The following KDM5B variants were observed in gnomAD, a reference collection of about 807,000 sequenced individuals.
KDM5B encodes lysine-specific demethylase 5B.
Under a neutral mutation model 193.4 loss-of-function variants are expected in KDM5B, and 144 were observed. The ratio of observed to expected loss-of-function variants is 0.74; its 90% CI spans 0.65 to 0.86. The LOEUF is 0.86. Among genes scored for constraint, KDM5B ranks in the 40% least tolerant of loss-of-function variants. The pLI, the probability that KDM5B is intolerant of heterozygous loss-of-function variation, is 0.00. For missense variants in KDM5B, 1,833 were observed against 1,886.9 expected, an observed-to-expected ratio of 0.97 and a Z score of 0.53; for synonymous variants, 668 against 682.6, an observed-to-expected ratio of 0.98 and a Z score of 0.33.
At chr1:202,800,398 T>C in intron 1 of KDM5B, among the ~76,000 whole-genome samples, 1 of 152,078 alleles carries the variant, frequency 6.6e-6, no homozygotes, top group East Asian at 1.9e-4. Context: ...TGGAGTGCAG[T>C]GGCGTGATCA....
At chr1:202,802,363 T>C (rs1293982135) in intron 1 of KDM5B, among the ~76,000 whole-genome samples, 1 of 152,088 alleles carries the variant, frequency 6.6e-6, no homozygotes, top group Non-Finnish European at 1.5e-5. Flanking sequence ...TCAAATAGTT[T>C]ACACTGTTTT....
At chr1:202,798,428 C>T (rs1202305493) in intron 1 of KDM5B, among the ~76,000 whole-genome samples, 1 of 151,706 alleles carries the variant, frequency 6.6e-6, no homozygotes, top group African/African-American at 2.4e-5. Flanking sequence ...AGCCACTATG[C>T]TGGCTATACT....
intron 16 of KDM5B, among the ~76,000 whole-genome samples, chr1:202,745,290 A>C (rs1293113935): frequency 6.6e-6 from 1 of 152,244 alleles, no homozygotes; most frequent in Non-Finnish European, 1.5e-5. Flanking sequence ...AAGTTTATCT[A>C]TGTAACAAGC....
intron 1 of KDM5B, chr1:202,796,234 C>A: frequency 2.8e-6 from 1 of 356,508 alleles, no homozygotes; most frequent in East Asian, 9.0e-5. Context: ...CCTCCTCTCT[C>A]CAATCCTGTA....
chr1:202,802,170 T>C (rs866071526), intron 1 of KDM5B, among the ~76,000 whole-genome samples: 3 of 152,192 alleles, frequency 2.0e-5, no homozygotes, highest in South Asian at 2.1e-4. Context: ...AGTACACGCA[T>C]AGGCTTCAAA....
chr1:202,750,925 T>C (rs955935076), intron 12 of KDM5B, 147 bp from the exon 13 acceptor site: 7 of 703,096 alleles, frequency 1.0e-5, no homozygotes, highest in Non-Finnish European at 1.6e-5. Flanking sequence ...TATAGTAGAA[T>C]ATCACCTAGA....
Position 202,733,584 on chromosome 1 carries a change from G to C in KDM5B, c.3726C>G (p.Ile1242Met). The change falls in exon 23 of 27, where the codon ATC (isoleucine) becomes ATG (methionine). Residue 1242 changes from isoleucine (I) to methionine (M), a missense_variant. This residue lies in a region of KDM5B where 1,379 missense variants were observed against 1,349.6 expected (regional missense o/e 1.02). Transcript: ENST00000367265. ...ILPLLASLQRIRVRLPEGDAL... is the reference protein window; with the variant it reads ...ILPLLASLQRMRVRLPEGDAL... ...CATCTCCCTCAGGAAGGCGAACTCG[G>C]ATACGCTGAAGGGAGGCGAGCAGGG... 6.2e-7 allele frequency: 1 copy of C among 1,614,140 alleles called. No individual in the cohort carries two copies.
intron 12 of KDM5B, among the ~76,000 whole-genome samples, 182 bp from the exon 13 acceptor site, chr1:202,750,960 G>C (rs1160239500): frequency 6.6e-6 from 1 of 152,158 alleles, no homozygotes; most frequent in African/African-American, 2.4e-5. Context: ...TCACAAGATG[G>C]AGCAGTATCC....
chr1:202,792,201 T>C (rs1363159689), intron 1 of KDM5B, among the ~76,000 whole-genome samples: 1 of 152,100 alleles, frequency 6.6e-6, no homozygotes, highest in Non-Finnish European at 1.5e-5. Flanking sequence ...TTCTTTCTTA[T>C]TTTTATTTTG....
rs773610808 is a variant in KDM5B at position 202,774,581 on chromosome 1, T to C, written c.405+32A>G. ...CAAATTCATTCTGTCAGTAAGATTA[T>C]AAAATAAGTAAGATGGTCATTAGCT... On this transcript the variant is annotated intron_variant, in intron 3 of 26. Transcript: ENST00000367265. 11 of 1,580,982 alleles carry C rather than the reference T, an allele frequency of 7.0e-6. No individual in the cohort carries two copies. In the South Asian group the frequency reaches 1.1e-4, roughly 16 times the overall value.
intron 14 of KDM5B, among the ~76,000 whole-genome samples, chr1:202,747,780 T>C (rs1655619413): frequency 1.3e-5 from 2 of 152,084 alleles, no homozygotes; most frequent in South Asian, 4.2e-4. Flanking sequence ...AAACATGCAA[T>C]ATAAAATTAT....
chr1:202,740,676 G>A lies in KDM5B; in HGVS notation c.3082C>T (p.Gln1028Ter). The change falls in exon 20 of 27, where the codon CAG (glutamine) becomes TAG (stop). Residue 1028 changes from glutamine to a stop codon, truncating the protein, a stop_gained and splice_region_variant. Transcript: ENST00000367265. LOFTEE classifies it high-confidence loss of function. ...RDWLQDVEGL[Q>*]AGGRVPVLDT... ...TGTATATACTTTTTAAAACCAACCT[G>A]CAGGCCCTCTACATCCTGAAGCCAG... is the stretch of plus-strand genomic sequence containing the variant. 6.2e-7 allele frequency: 1 copy of A among 1,610,802 alleles called. No individual in the cohort carries two copies. The highest frequency in any genetic ancestry group is 8.5e-7 in the Non-Finnish European group (1 of 1,178,838).
Position 202,759,544 on chromosome 1 carries a change from C to T in KDM5B, c.1077+871G>A, listed in dbSNP as rs569687482. 4.4e-4 allele frequency among the ~76,000 whole-genome samples: 47 copies of T among 106,550 alleles called. No individual in the cohort carries two copies. In the Admixed American group the frequency reaches 5.0e-3, roughly 11 times the overall value. The allele number at this position is 106,550 out of a possible 152,430, so 69.9% of individuals were successfully genotyped here. On this transcript the variant is annotated intron_variant, in intron 8 of 26. Coordinates refer to ENST00000367265, the MANE Select transcript of KDM5B (RefSeq NM_006618.5). ...CCAGCCTGGGTGATAGAGTGAGATC[C>T]TGTCTCAAAAAAAAAAAAAAAAAAA... is the stretch of plus-strand genomic sequence containing the variant.
Position 202,755,678 on chromosome 1 carries a change from T to C in KDM5B, c.1357-226A>G, listed in dbSNP as rs568025613. ...TTCTGTATCTGTCTCTTTTTAAATATATATAGAGGAACATAAGCCATGAGT... is the reference window on the plus strand; with the variant it reads ...TTCTGTATCTGTCTCTTTTTAAATACATATAGAGGAACATAAGCCATGAGT... On this transcript the variant is annotated intron_variant, in intron 10 of 26. Coordinates refer to ENST00000367265, the MANE Select transcript of KDM5B (RefSeq NM_006618.5). Among the ~76,000 whole-genome samples the C allele has an allele frequency of 6.6e-5, 10 of 152,238 alleles. No individual in the cohort carries two copies. The South Asian group carries it at 1.9e-3, about 28-fold the overall frequency.
Position 202,726,043 on chromosome 1 carries a change from G to C in KDM5B, c.*2993C>G, listed in dbSNP as rs1006006763. 6.6e-6 allele frequency: 1 copy of C among 152,192 alleles called. No homozygotes were observed. Among genetic ancestry groups the C allele is most frequent in the Non-Finnish European group, 1.5e-5 (1 of 68,036 alleles). 9.4% of individuals were successfully genotyped at this position (152,192 alleles called of 1,614,324 possible). ...TCAGAGTACAACCCAAATCAGTAGA[G>C]AGCCATGTTTCACCCTCTTCCAGGT... On this transcript the variant is annotated 3_prime_UTR_variant, in exon 27 of 27. Transcript: ENST00000367265.
intron 12 of KDM5B, 37 bp from the exon 13 acceptor site, chr1:202,750,815 A>G (rs376304244): frequency 5.6e-6 from 9 of 1,598,952 alleles, no homozygotes; most frequent in South Asian, 2.2e-5. Flanking sequence ...TGAGTTTCTT[A>G]AAGAGTGACA....
chr1:202,777,499 AT>A lies in KDM5B; in HGVS notation c.205-406del, dbSNP rs956565256. ...CCTTCCAGTCACATTAACTTTTTTA[AT>A]TTTTTTTTTTTGAGATAAGGTTTCA... On this transcript the variant is annotated intron_variant, in intron 1 of 26. Coordinates refer to ENST00000367265, the MANE Select transcript of KDM5B (RefSeq NM_006618.5). Among the ~76,000 whole-genome samples, 113 of 146,224 alleles carry A rather than the reference AT, an allele frequency of 7.7e-4. 1 individual carries two copies. Among genetic ancestry groups the A allele is most frequent in the Middle Eastern group, 3.5e-3 (1 of 282 alleles).
Position 202,726,299 on chromosome 1 carries a change from A to T in KDM5B, c.*2737T>A, listed in dbSNP as rs1182519792. ...TCCTTTAGGTTAACTTAAGATAGAAAAATGAATCCCACCTCCTAGGATACT... is the reference window on the plus strand; with the variant it reads ...TCCTTTAGGTTAACTTAAGATAGAATAATGAATCCCACCTCCTAGGATACT... On this transcript the variant is annotated 3_prime_UTR_variant, in exon 27 of 27. Coordinates refer to ENST00000367265, the MANE Select transcript of KDM5B (RefSeq NM_006618.5). The T allele has an allele frequency of 6.6e-6, 1 of 152,224 alleles. No individual in the cohort carries two copies. Among genetic ancestry groups the T allele is most frequent in the African/African-American group, 2.4e-5 (1 of 41,460 alleles). 9.4% of individuals were successfully genotyped at this position (152,224 alleles called of 1,614,324 possible).
Position 202,729,840 on chromosome 1 carries a change from C to G in KDM5B, c.4364G>C (p.Arg1455Pro). 1 of 1,614,162 alleles carries G rather than the reference C, an allele frequency of 6.2e-7. No homozygotes were observed. Among genetic ancestry groups the G allele is most frequent in the Non-Finnish European group, 8.5e-7 (1 of 1,180,006 alleles). ...AGCAGAACGAACTAATTCATAGCTA[C>G]GCTCTCTCTCTAACTTGAAATTGTT... ...DMNNFKLERE[R>P]SYELVRSAET... is the part of the protein sequence containing the mutation. Residue 1455 changes from arginine to proline, a missense_variant, in exon 26 of 27, where the codon CGT becomes CCT. By Grantham distance (103) the Arg-to-Pro change is moderately radical. Transcript: ENST00000367265.
Sources: gnomAD v4.1 joint callset for allele counts (sites outside exome capture counted in the v4.1 genomes callset) on GRCh38, gnomAD v4.1.1 for gene constraint, gnomAD v4.1.1 regional missense constraint, MANE v1.5 for transcripts, NCBI Gene and HGNC (gene_info 2026-07-23, HGNC 2026-07-21) for gene names.